The following FGD4 variants were observed in gnomAD, a reference collection of about 807,000 sequenced individuals.
The protein encoded by FGD4 is FYVE, RhoGEF and PH domain-containing protein 4.
FGD4 carries 42 observed loss-of-function variants against 102.0 expected under a neutral mutation model. The observed-to-expected ratio is 0.41, with a 90% CI of 0.32 to 0.53. The LOEUF is 0.53. Ranked by LOEUF, FGD4 falls within the 20% of genes least tolerant of loss-of-function variation. The pLI is 0.21. For synonymous variants in FGD4, 380 were observed against 375.7 expected, an observed-to-expected ratio of 1.01 and a Z score of -0.13; for missense variants, 902 against 1,078.2, an observed-to-expected ratio of 0.84 and a Z score of 2.29.
intron 4 of FGD4, 196 bp downstream of exon 4, chr12:32,582,663 T>G (rs1228436947): frequency 1.2e-5 from 8 of 663,042 alleles, no homozygotes; most frequent in Non-Finnish European, 2.5e-6. Context: ...TCTTTTCATG[T>G]AGTTTCTGTT....
At chr12:32,546,171 C>A (rs1448319435) in intron 1 of FGD4, among the ~76,000 whole-genome samples, 1 of 152,200 alleles carries the variant, frequency 6.6e-6, no homozygotes, top group Non-Finnish European at 1.5e-5. Flanking sequence ...GTTCCCACAG[C>A]CACCCAAATA....
At chr12:32,518,831 A>G (rs202229442) in intron 1 of FGD4, among the ~76,000 whole-genome samples, 3 of 146,246 alleles carry the variant, frequency 2.1e-5, no homozygotes, top group African/African-American at 7.4e-5. Flanking sequence ...AAAAAAAACA[A>G]GGGCCAGGCA....
chr12:32,487,693 C>T (rs1943952590), intron 1 of FGD4, among the ~76,000 whole-genome samples: 2 of 152,298 alleles, frequency 1.3e-5, no homozygotes, highest in South Asian at 4.1e-4. Context: ...TCCCAAAATG[C>T]TGGGATTACA....
At position 32,563,497 on chromosome 12, in the gene FGD4, GAC is replaced by G. The variant is rs1478913055; in HGVS notation, c.167-637_167-636del. Among the ~76,000 whole-genome samples, 3 of 151,396 alleles carry G rather than the reference GAC, an allele frequency of 2.0e-5. No individual in the cohort carries two copies. The East Asian group carries it at 5.9e-4, about 30-fold the overall frequency. On this transcript the variant is annotated intron_variant, in intron 1 of 16. Coordinates refer to ENST00000534526, the MANE Select transcript of FGD4 (RefSeq NM_001370298.3). Reference sequence around the variant, plus strand: ...CTAGATGAGATGGCGGCCAGGCAGAGACACTCCTCACTTTCCAGACTGGGCAG... The same window carrying G: ...CTAGATGAGATGGCGGCCAGGCAGAGACTCCTCACTTTCCAGACTGGGCAG...
In FGD4 at chr12:32,641,845, A is replaced by G. The variant is rs1440183057; in HGVS notation, c.*1312A>G. 6.6e-6 allele frequency: 1 copy of G among 151,958 alleles called. No homozygotes were observed. 9.4% of individuals were successfully genotyped at this position (151,958 alleles called of 1,614,324 possible). A position where few individuals can be genotyped will look rare whatever the true frequency, so the allele number is the denominator to read the frequency against. Reference sequence around the variant, plus strand: ...TTCCTTGTCATGAAGGCTGCTCTTCACTCTTTTGTACTTGTGATTAAAATC... The same window carrying G: ...TTCCTTGTCATGAAGGCTGCTCTTCGCTCTTTTGTACTTGTGATTAAAATC... On this transcript the variant is annotated 3_prime_UTR_variant, in exon 17 of 17. Transcript: ENST00000534526.
At chr12:32,585,696 C>T (rs1416261302) in intron 4 of FGD4, among the ~76,000 whole-genome samples, 3 of 151,526 alleles carry the variant, frequency 2.0e-5, no homozygotes, top group Non-Finnish European at 4.4e-5. Flanking sequence ...TCGCTGGGTG[C>T]GGTGGCACTT....
At chr12:32,606,958 T>C (rs1392640620) in intron 7 of FGD4, among the ~76,000 whole-genome samples, 2 of 152,222 alleles carry the variant, frequency 1.3e-5, no homozygotes, top group Non-Finnish European at 1.5e-5. Context: ...GTTATTCTTC[T>C]ATATGGAGTC....
intron 5 of FGD4, chr12:32,600,432 A>G (rs1280245952): frequency 7.8e-7 from 1 of 1,288,154 alleles, no homozygotes; most frequent in Non-Finnish European, 1.0e-6. Flanking sequence ...AGGTGAATTT[A>G]GAAAATTAAC....
intron 2 of FGD4, among the ~76,000 whole-genome samples, chr12:32,572,239 A>G (rs1945736584): frequency 6.6e-6 from 1 of 152,250 alleles, no homozygotes. Flanking sequence ...AGTTGTTCAT[A>G]TCCTAGCAGA....
chr12:32,402,117 A>ATTTTT lies in FGD4; in HGVS notation c.166+2183_166+2187dup, dbSNP rs56852726. On this transcript the variant is annotated intron_variant, in intron 1 of 16. Transcript: ENST00000534526. The stretch of plus-strand genomic sequence containing the variant: ...CGGAGTTTCACCATGTTGGCCAGGC[A>ATTTTT]TTTTTTTTTTTTTTTTTTTTTTTTT... Among the ~76,000 whole-genome samples, 11 of 105,196 alleles carry ATTTTT rather than the reference A, an allele frequency of 1.0e-4. 1 individual carries two copies. The East Asian group carries it at 1.6e-3, about 15-fold the overall frequency. The allele number at this position is 105,196 out of a possible 152,430, so 69.0% of individuals were successfully genotyped here.
At chr12:32,406,914 AGC>A (rs1302964573) in intron 1 of FGD4, among the ~76,000 whole-genome samples, 1 of 151,678 alleles carries the variant, frequency 6.6e-6, no homozygotes. Flanking sequence ...CCCAGGTTCA[AGC>A]AATTCTCTGC....
At chr12:32,507,952 T>C (rs1185784514) in intron 1 of FGD4, among the ~76,000 whole-genome samples, 3 of 152,230 alleles carry the variant, frequency 2.0e-5, no homozygotes, top group Non-Finnish European at 2.9e-5. Context: ...AGCCCTCAGA[T>C]TCATGTATTC....
chr12:32,622,654 A>G (rs1949914067), intron 11 of FGD4, among the ~76,000 whole-genome samples: 2 of 152,216 alleles, frequency 1.3e-5, no homozygotes, highest in Non-Finnish European at 2.9e-5. Flanking sequence ...GTGCAATAGC[A>G]CGATCTTGGC....
At position 32,463,332 on chromosome 12, in the gene FGD4, A is replaced by T. The variant is rs191827736; in HGVS notation, c.166+63373A>T. On this transcript the variant is annotated intron_variant, in intron 1 of 16. Transcript: ENST00000534526. The stretch of plus-strand genomic sequence containing the variant: ...CCCAGATGTGGATTTCATATTGAAG[A>T]TCTTAAAACAAAAACCCCTTCACTA... Among the ~76,000 whole-genome samples, 164 of 152,366 alleles carry T rather than the reference A, an allele frequency of 1.1e-3. 2 individuals are homozygous for T. The highest frequency in any genetic ancestry group is 3.5e-3 in the African/African-American group (145 of 41,592).
intron 14 of FGD4, among the ~76,000 whole-genome samples, chr12:32,632,641 T>A (rs1358831212): frequency 6.6e-6 from 1 of 152,114 alleles, no homozygotes; most frequent in African/African-American, 2.4e-5. Flanking sequence ...TCTGAAAGAT[T>A]TTAAATAGAA....
intron 1 of FGD4, 40 bp downstream of exon 1, chr12:32,399,999 C>A: frequency 8.4e-6 from 12 of 1,424,188 alleles, no homozygotes; most frequent in Non-Finnish European, 1.1e-5. Flanking sequence ...GGCCCCGGCG[C>A]GTAGGTGCGG....
At chr12:32,586,654 G>A (rs528541106) in intron 4 of FGD4, among the ~76,000 whole-genome samples, 6 of 152,302 alleles carry the variant, frequency 3.9e-5, no homozygotes, top group African/African-American at 1.4e-4. Context: ...ACTAGTCCAG[G>A]TGTGAGATGA....
chr12:32,603,195 T>C (rs1302273025), intron 7 of FGD4, among the ~76,000 whole-genome samples: 1 of 152,216 alleles, frequency 6.6e-6, no homozygotes, highest in Non-Finnish European at 1.5e-5. Flanking sequence ...GAAAAAAATG[T>C]ATCTATAAGT....
intron 10 of FGD4, among the ~76,000 whole-genome samples, chr12:32,617,995 T>C (rs1307551965): frequency 6.6e-6 from 1 of 152,200 alleles, no homozygotes; most frequent in Admixed American, 6.5e-5. Flanking sequence ...AAGTCCCATT[T>C]AGGGAGAATA....
Sources: allele counts gnomAD v4.1 joint callset (sites outside exome capture counted in the v4.1 genomes callset), GRCh38; gene constraint gnomAD v4.1.1; transcripts MANE v1.5; gene names NCBI Gene and HGNC (gene_info 2026-07-23, HGNC 2026-07-21).